The following PRKG1 variants were observed in gnomAD, a reference collection of about 807,000 sequenced individuals.
The protein encoded by PRKG1 is protein kinase cGMP-dependent 1.
A neutral mutation model predicts 88.1 loss-of-function variants in PRKG1; 35 were observed. That is an observed-to-expected ratio of 0.40 (90% CI 0.30 to 0.53). The LOEUF (loss-of-function observed/expected upper bound fraction) is 0.53, where lower values mean the gene tolerates loss of function less well. PRKG1 is among the 20% of genes least tolerant of loss of function. The pLI is 0.59. For synonymous variants in PRKG1, 303 were observed against 292.5 expected (o/e 1.04, Z -0.37); for missense variants, 540 against 839.8 (o/e 0.64, Z 4.41).
At chr10:52,196,467 G>A (rs534689320) in intron 9 of PRKG1, among the ~76,000 whole-genome samples, 122 of 152,282 alleles carry the variant, frequency 8.0e-4, no homozygotes, top group Non-Finnish European at 1.4e-3. Context: ...GCACAAAATG[G>A]AGCAAGTTGG....
chr10:51,483,809 A>G (rs1360934141), intron 3 of PRKG1, among the ~76,000 whole-genome samples: 1 of 152,214 alleles, frequency 6.6e-6, no homozygotes, highest in Non-Finnish European at 1.5e-5. Flanking sequence ...ACTCTTTTGC[A>G]GGGTTTCAAA....
intron 3 of PRKG1, among the ~76,000 whole-genome samples, chr10:51,629,919 T>G (rs969719352): frequency 8.5e-5 from 13 of 152,184 alleles, no homozygotes; most frequent in African/African-American, 2.9e-4. Flanking sequence ...TTGAAACATG[T>G]CAGAAATTCC....
At position 51,590,775 on chromosome 10, in the gene PRKG1, G is replaced by A. The variant is rs193288561; in HGVS notation, c.592+122939G>A. Among the ~76,000 whole-genome samples, 6 of 151,876 alleles carry A rather than the reference G, an allele frequency of 4.0e-5. No homozygotes were observed. In the East Asian group the frequency reaches 7.8e-4, roughly 20 times the overall value. On this transcript the variant is annotated intron_variant, in intron 3 of 17. Coordinates refer to ENST00000373980, the MANE Select transcript of PRKG1 (RefSeq NM_006258.4). Reference sequence around the variant, plus strand: ...AGTTTGTGAGCTCTCTAGGCTTTGCGCTTCTCTTCTGTTCTTCTGTAACCT... The same window carrying A: ...AGTTTGTGAGCTCTCTAGGCTTTGCACTTCTCTTCTGTTCTTCTGTAACCT...
chr10:51,088,545 C>G lies in PRKG1; in HGVS notation c.311+13644C>G, dbSNP rs190182483. On this transcript the variant is annotated intron_variant, in intron 1 of 17. Transcript: ENST00000373980. ...AGGTTATATGCTAAAAAAGACACTC[C>G]TTTGTTTCTTCCAACATGGATTGGA... Among the ~76,000 whole-genome samples, 351 of 152,138 alleles carry G rather than the reference C, an allele frequency of 2.3e-3. 2 individuals carry two copies. Among genetic ancestry groups the G allele is most frequent in the African/African-American group, 8.0e-3 (332 of 41,536 alleles).
chr10:51,363,162 A>T (rs1842519522), intron 2 of PRKG1, among the ~76,000 whole-genome samples: 1 of 151,714 alleles, frequency 6.6e-6, no homozygotes, highest in Admixed American at 6.6e-5. Context: ...CAATCATTGA[A>T]TATTTTTAAG....
chr10:51,352,799 T>C (rs1337222240), intron 2 of PRKG1, among the ~76,000 whole-genome samples: 1 of 151,310 alleles, frequency 6.6e-6, no homozygotes, highest in African/African-American at 2.4e-5. Context: ...CCCAGAAGAG[T>C]CAAAGTTATA....
chr10:51,900,356 G>A (rs1841953673), intron 4 of PRKG1, among the ~76,000 whole-genome samples: 1 of 152,092 alleles, frequency 6.6e-6, no homozygotes, highest in Admixed American at 6.6e-5. Flanking sequence ...TTAAAGGTTA[G>A]TTGCAATATG....
chr10:52,071,403 T>C (rs1381280845), intron 7 of PRKG1, among the ~76,000 whole-genome samples: 1 of 152,166 alleles, frequency 6.6e-6, no homozygotes, highest in Non-Finnish European at 1.5e-5. Flanking sequence ...GTATTTGGCT[T>C]TCTGTTTCTG....
chr10:51,000,087 C>T (rs1183145769), intron 1 of PRKG1, among the ~76,000 whole-genome samples: 1 of 152,226 alleles, frequency 6.6e-6, no homozygotes, highest in Non-Finnish European at 1.5e-5. Context: ...CCAAAATACT[C>T]AATCCAATAT....
intron 2 of PRKG1, among the ~76,000 whole-genome samples, chr10:51,309,100 C>T (rs145294028): frequency 6.6e-6 from 1 of 152,278 alleles, no homozygotes; most frequent in East Asian, 1.9e-4. Context: ...CTTCTTCTGG[C>T]AGGTATGAAC....
chr10:52,102,885 G>A (rs1374261302), intron 7 of PRKG1, among the ~76,000 whole-genome samples: 4 of 152,104 alleles, frequency 2.6e-5, no homozygotes, highest in Non-Finnish European at 4.4e-5. Flanking sequence ...GAGAGAACTG[G>A]TACCATATAG....
intron 2 of PRKG1, among the ~76,000 whole-genome samples, chr10:51,441,611 A>C (rs1271481966): frequency 2.0e-5 from 3 of 151,684 alleles, no homozygotes; most frequent in Non-Finnish European, 4.4e-5. Context: ...GAATCCACAC[A>C]GAAGTTGAGA....
At chr10:51,322,884 A>G (rs1263988272) in intron 2 of PRKG1, among the ~76,000 whole-genome samples, 1 of 152,212 alleles carries the variant, frequency 6.6e-6, no homozygotes, top group African/African-American at 2.4e-5. Context: ...GAATATTATT[A>G]CTGTTATTTT....
chr10:51,179,603 G>C (rs1837292728), intron 2 of PRKG1, among the ~76,000 whole-genome samples: 1 of 152,216 alleles, frequency 6.6e-6, no homozygotes, highest in Non-Finnish European at 1.5e-5. Context: ...CTAATCATGT[G>C]ATAATAGATT....
chr10:51,018,663 T>C (rs2078441649), intron 1 of PRKG1, among the ~76,000 whole-genome samples: 1 of 152,180 alleles, frequency 6.6e-6, no homozygotes, highest in Admixed American at 6.5e-5. Context: ...ATACCTAACT[T>C]TTTCTACAAA....
chr10:51,230,729 G>A (rs1301582524), intron 2 of PRKG1, among the ~76,000 whole-genome samples: 2 of 151,764 alleles, frequency 1.3e-5, no homozygotes, highest in Non-Finnish European at 2.9e-5. Flanking sequence ...AATAATGAAT[G>A]CAAGTAAATG....
intron 2 of PRKG1, among the ~76,000 whole-genome samples, chr10:51,350,137 G>A (rs746821015): frequency 2.6e-5 from 4 of 152,146 alleles, no homozygotes; most frequent in Admixed American, 6.5e-5. Context: ...CATTCATATA[G>A]TAGAGTTATG....
At chr10:51,017,478 G>A (rs1029500783) in intron 1 of PRKG1, among the ~76,000 whole-genome samples, 1 of 152,144 alleles carries the variant, frequency 6.6e-6, no homozygotes, top group Non-Finnish European at 1.5e-5. Flanking sequence ...ATAAGATAAT[G>A]TATGTGAAAG....
At chr10:51,956,497 G>A (rs1412682421) in intron 5 of PRKG1, among the ~76,000 whole-genome samples, 1 of 151,888 alleles carries the variant, frequency 6.6e-6, no homozygotes, top group East Asian at 1.9e-4. Flanking sequence ...AAGAACTTAG[G>A]ATACTTTCCA....
Sources: allele counts gnomAD v4.1 joint callset (sites outside exome capture counted in the v4.1 genomes callset), GRCh38; gene constraint gnomAD v4.1.1; transcripts MANE v1.5; gene names NCBI Gene and HGNC (gene_info 2026-07-23, HGNC 2026-07-21).